Variants in TMEM132C observed in about 807,000 individuals in gnomAD.
TMEM132C encodes the protein protein phosphatase 1, regulatory subunit 152.
Under a neutral mutation model 61.4 loss-of-function variants are expected in TMEM132C, and 29 were observed. That is an observed-to-expected ratio of 0.47 (90% CI 0.35 to 0.64). The LOEUF is 0.64. Among genes scored for constraint, TMEM132C ranks in the 30% least tolerant of loss-of-function variants. TMEM132C has a pLI of 0.00. For synonymous variants in TMEM132C, 656 were observed against 633.1 expected (o/e 1.04, Z -0.54); for missense variants, 1,408 against 1,476.9 (o/e 0.95, Z 0.76).
chr12:128,358,942 A>G (rs1473612406), intron 1 of TMEM132C, among the ~76,000 whole-genome samples: 1 of 152,146 alleles, frequency 6.6e-6, no homozygotes, highest in East Asian at 1.9e-4. Context: ...ATTATAGCAA[A>G]CCAGTGTAAA....
intron 5 of TMEM132C, among the ~76,000 whole-genome samples, chr12:128,685,932 G>T (rs781512683): frequency 2.0e-5 from 3 of 152,220 alleles, no homozygotes; most frequent in Non-Finnish European, 4.4e-5. Context: ...TTAGAATGGT[G>T]CCTGGATAAC....
intron 2 of TMEM132C, among the ~76,000 whole-genome samples, chr12:128,468,017 G>T: frequency 6.6e-6 from 1 of 152,224 alleles, no homozygotes; most frequent in East Asian, 1.9e-4. Flanking sequence ...ATCACTTGGA[G>T]GGGATGGGGA....
At chr12:128,671,973 C>A (rs1954536509) in intron 5 of TMEM132C, among the ~76,000 whole-genome samples, 1 of 151,984 alleles carries the variant, frequency 6.6e-6, no homozygotes, top group Non-Finnish European at 1.5e-5. Flanking sequence ...ACAATGTGAG[C>A]CACATATGAA....
chr12:128,296,289 ATAT>A (rs1404952867), intron 1 of TMEM132C, among the ~76,000 whole-genome samples: 8 of 152,192 alleles, frequency 5.3e-5, no homozygotes, highest in Admixed American at 5.2e-4. Context: ...GTAAGGAAAC[ATAT>A]TATCTTAAAA....
At chr12:128,608,328 T>C (rs1480610439) in intron 3 of TMEM132C, among the ~76,000 whole-genome samples, 2 of 152,204 alleles carry the variant, frequency 1.3e-5, no homozygotes, top group East Asian at 1.9e-4. Flanking sequence ...CCCTGCATAT[T>C]AGAATCACCT....
intron 5 of TMEM132C, among the ~76,000 whole-genome samples, chr12:128,680,793 C>G (rs1384345572): frequency 6.6e-6 from 1 of 152,172 alleles, no homozygotes; most frequent in African/African-American, 2.4e-5. Flanking sequence ...ATATCCTGTT[C>G]TAATAAAAGA....
chr12:128,657,030 C>T (rs1954332518), intron 4 of TMEM132C, among the ~76,000 whole-genome samples: 1 of 152,120 alleles, frequency 6.6e-6, no homozygotes, highest in African/African-American at 2.4e-5. Context: ...TTCCTAGAAA[C>T]CAGACGTGTG....
At chr12:128,617,449 A>G (rs1452964433) in intron 4 of TMEM132C, among the ~76,000 whole-genome samples, 1 of 152,238 alleles carries the variant, frequency 6.6e-6, no homozygotes, top group African/African-American at 2.4e-5. Context: ...CTTGAAGCCA[A>G]TCACTGAAAT....
At chr12:128,699,600 C>T (rs1954789385) in intron 8 of TMEM132C, among the ~76,000 whole-genome samples, 1 of 152,222 alleles carries the variant, frequency 6.6e-6, no homozygotes, top group South Asian at 2.1e-4. Flanking sequence ...TCTCCACCTT[C>T]CCCTTCTGTC....
intron 2 of TMEM132C, among the ~76,000 whole-genome samples, chr12:128,489,710 A>G (rs1442526998): frequency 6.6e-6 from 1 of 151,964 alleles, no homozygotes; most frequent in Non-Finnish European, 1.5e-5. Flanking sequence ...ATGTGGGAAT[A>G]TAGATATAAA....
Position 128,656,625 on chromosome 12 carries a change from C to G in TMEM132C, c.1306-12792C>G, listed in dbSNP as rs376664140. On this transcript the variant is annotated intron_variant, in intron 4 of 8. Coordinates refer to ENST00000435159, the MANE Select transcript of TMEM132C (RefSeq NM_001136103.3). ...TGTGCCCCACCAACCTTCAGAGTTT[C>G]TGATTCAGTAGGTCTGGGGTAGAGC... 9.2e-5 allele frequency among the ~76,000 whole-genome samples: 14 copies of G among 152,340 alleles called. No individual in the cohort carries two copies. The East Asian group carries it at 1.9e-3, about 21-fold the overall frequency.
chr12:128,290,570 A>G (rs1477767836), intron 1 of TMEM132C, among the ~76,000 whole-genome samples: 2 of 152,184 alleles, frequency 1.3e-5, no homozygotes, highest in African/African-American at 4.8e-5. Context: ...ACCGGGAGTT[A>G]TAGCCCCATT....
intron 2 of TMEM132C, among the ~76,000 whole-genome samples, chr12:128,477,649 G>A (rs557584166): frequency 2.0e-5 from 3 of 152,178 alleles, no homozygotes; most frequent in East Asian, 3.9e-4. Context: ...GTGCAATCTC[G>A]GCTCACTGCA....
At chr12:128,663,713 G>GTC (rs63401264) in intron 4 of TMEM132C, among the ~76,000 whole-genome samples, 3 of 152,046 alleles carry the variant, frequency 2.0e-5, no homozygotes, top group East Asian at 1.9e-4. Flanking sequence ...ATGCGTGTGT[G>GTC]TATGTGTGTG....
chr12:128,300,059 A>G (rs1189044660), intron 1 of TMEM132C, among the ~76,000 whole-genome samples: 2 of 152,260 alleles, frequency 1.3e-5, no homozygotes, highest in Non-Finnish European at 2.9e-5. Flanking sequence ...GGTAAGAGCA[A>G]GAGTAAACAT....
chr12:128,541,422 G>A (rs1432177600), intron 2 of TMEM132C, among the ~76,000 whole-genome samples: 2 of 152,086 alleles, frequency 1.3e-5, no homozygotes, highest in Non-Finnish European at 2.9e-5. Context: ...GGAGATTGAG[G>A]GGATGGGCTG....
At chr12:128,631,172 G>A (rs1221169542) in intron 4 of TMEM132C, among the ~76,000 whole-genome samples, 1 of 152,170 alleles carries the variant, frequency 6.6e-6, no homozygotes, top group Non-Finnish European at 1.5e-5. Flanking sequence ...TGGTCGTAAT[G>A]GTCTGTGTCT....
At chr12:128,409,528 C>T (rs1868452700) in intron 1 of TMEM132C, among the ~76,000 whole-genome samples, 1 of 152,140 alleles carries the variant, frequency 6.6e-6, no homozygotes, top group Admixed American at 6.5e-5. Flanking sequence ...CAGTTCCTCC[C>T]ATCTTCAAAG....
rs149652311 is a variant in TMEM132C at position 128,322,879 on chromosome 12, A to G, written c.85+55392A>G. ...TGGAGGAGAGATATCCATTGAAATGACAAACAGGAGGAATAGGCCCAGGGA... is the reference window on the plus strand; with the variant it reads ...TGGAGGAGAGATATCCATTGAAATGGCAAACAGGAGGAATAGGCCCAGGGA... On this transcript the variant is annotated intron_variant, in intron 1 of 8. Transcript: ENST00000435159. Among the ~76,000 whole-genome samples, 1,284 of 152,306 alleles carry G rather than the reference A, an allele frequency of 8.4e-3. 23 individuals are homozygous for G. Among genetic ancestry groups the G allele is most frequent in the African/African-American group, 0.029 (1,211 of 41,558 alleles).
Sources: allele counts gnomAD v4.1 joint callset (sites outside exome capture counted in the v4.1 genomes callset), GRCh38; gene constraint gnomAD v4.1.1; transcripts MANE v1.5; gene names NCBI Gene and HGNC (gene_info 2026-07-23, HGNC 2026-07-21).